GRM3: variants seen among roughly 807,000 people sequenced by gnomAD.
GRM3 encodes glutamate metabotropic receptor 3.
GRM3 carries 26 observed loss-of-function variants against 70.5 expected under a neutral mutation model. The ratio of observed to expected loss-of-function variants is 0.37; its 90% CI spans 0.27 to 0.51. The LOEUF is 0.51. Among genes scored for constraint, GRM3 ranks in the 20% least tolerant of loss-of-function variants. The pLI is 0.93. For synonymous variants in GRM3, 443 were observed against 434.9 expected (o/e 1.02, Z -0.23); for missense variants, 859 against 1,123.8 (o/e 0.76, Z 3.37).
intron 3 of GRM3, among the ~76,000 whole-genome samples, chr7:86,806,274 T>A (rs1797791051): frequency 6.6e-6 from 1 of 152,226 alleles, no homozygotes; most frequent in Non-Finnish European, 1.5e-5. Context: ...AGTAATGTGA[T>A]GGCTGGGTCA....
intron 1 of GRM3, among the ~76,000 whole-genome samples, chr7:86,691,387 A>G (rs974706869): frequency 1.3e-5 from 2 of 152,166 alleles, no homozygotes; most frequent in Non-Finnish European, 2.9e-5. Flanking sequence ...AATTTCCTAA[A>G]TGCTAAAACC....
chr7:86,813,482 C>T (rs1797954404), intron 3 of GRM3, among the ~76,000 whole-genome samples: 1 of 151,854 alleles, frequency 6.6e-6, no homozygotes, highest in African/African-American at 2.4e-5. Flanking sequence ...CAGAGAACAG[C>T]AGTTGAATTT....
At chr7:86,715,477 A>G (rs185866902) in intron 1 of GRM3, among the ~76,000 whole-genome samples, 1 of 152,116 alleles carries the variant, frequency 6.6e-6, no homozygotes, top group East Asian at 1.9e-4. Flanking sequence ...GTCTTGCATT[A>G]TAAGTAGATG....
In GRM3 at chr7:86,682,947, T is replaced by G. The variant is rs1427063056; in HGVS notation, c.-141+38075T>G. Among the ~76,000 whole-genome samples the G allele has an allele frequency of 3.3e-5, 5 of 152,298 alleles. No homozygotes were observed. In the East Asian group the frequency reaches 9.6e-4, roughly 29 times the overall value. ...AAAAAGAGGCTGTCCATAGTTACCA[T>G]GCTGAGGGGCTTAATTGAATAAGAA... On this transcript the variant is annotated intron_variant, in intron 1 of 5. Coordinates refer to ENST00000361669, the MANE Select transcript of GRM3 (RefSeq NM_000840.3).
At chr7:86,664,185 T>C (rs2115858417) in intron 1 of GRM3, among the ~76,000 whole-genome samples, 1 of 152,026 alleles carries the variant, frequency 6.6e-6, no homozygotes, top group Non-Finnish European at 1.5e-5. Flanking sequence ...ATGTGGAGAA[T>C]GATGGGGGTT....
chr7:86,658,886 C>T (rs1391947530), intron 1 of GRM3, among the ~76,000 whole-genome samples: 1 of 148,058 alleles, frequency 6.8e-6, no homozygotes, highest in Admixed American at 6.9e-5. Flanking sequence ...CTTATTTATA[C>T]ATTTAAATTG....
intron 1 of GRM3, among the ~76,000 whole-genome samples, chr7:86,678,951 G>A (rs866250301): frequency 6.6e-6 from 1 of 151,988 alleles, no homozygotes; most frequent in Non-Finnish European, 1.5e-5. Flanking sequence ...GATAGCAAGG[G>A]TTTTTGTGAT....
At chr7:86,854,932 T>A (rs1798819081) in intron 5 of GRM3, among the ~76,000 whole-genome samples, 1 of 152,178 alleles carries the variant, frequency 6.6e-6, no homozygotes, top group Admixed American at 6.6e-5. Flanking sequence ...CCAGGCTCCC[T>A]CTGGAACTTT....
chr7:86,655,925 G>A (rs1361987537), intron 1 of GRM3, among the ~76,000 whole-genome samples: 8 of 151,146 alleles, frequency 5.3e-5, no homozygotes, highest in Admixed American at 4.6e-4. Flanking sequence ...CAGTTTCCTC[G>A]ACACAAATTT....
At chr7:86,646,654 C>T (rs969763898) in intron 1 of GRM3, among the ~76,000 whole-genome samples, 2 of 152,064 alleles carry the variant, frequency 1.3e-5, no homozygotes, top group East Asian at 3.9e-4. Context: ...GAGTTAGGCC[C>T]TTACCAGTGA....
intron 1 of GRM3, among the ~76,000 whole-genome samples, chr7:86,694,436 C>T (rs1050975540): frequency 6.2e-5 from 9 of 144,930 alleles, no homozygotes; most frequent in Admixed American, 2.1e-4. Context: ...GGTGTGAACC[C>T]GGGAAGTGGG....
chr7:86,779,033 A>C (rs1168199311), intron 2 of GRM3, among the ~76,000 whole-genome samples: 1 of 152,136 alleles, frequency 6.6e-6, no homozygotes, highest in South Asian at 2.1e-4. Flanking sequence ...TGGGATCCTA[A>C]AAAGAAGGCT....
At chr7:86,850,264 T>C in intron 4 of GRM3, 106 bp from the exon 5 acceptor site, 1 of 705,888 alleles carries the variant, frequency 1.4e-6, no homozygotes, top group South Asian at 1.7e-5. Flanking sequence ...GACAGAGCTG[T>C]CAATTATTCT....
chr7:86,716,026 A>G (rs1795306048), intron 1 of GRM3, among the ~76,000 whole-genome samples: 1 of 151,988 alleles, frequency 6.6e-6, no homozygotes, highest in Non-Finnish European at 1.5e-5. Flanking sequence ...GGTACTTTTC[A>G]TCCTCAAAGC....
chr7:86,663,939 A>G (rs983086094), intron 1 of GRM3, among the ~76,000 whole-genome samples: 1 of 152,050 alleles, frequency 6.6e-6, no homozygotes, highest in African/African-American at 2.4e-5. Flanking sequence ...CTAAGTGAAG[A>G]GAAAGAAATC....
At chr7:86,851,663 C>A (rs1489816818) in intron 5 of GRM3, among the ~76,000 whole-genome samples, 3 of 152,106 alleles carry the variant, frequency 2.0e-5, no homozygotes, top group Non-Finnish European at 4.4e-5. Context: ...AACAGGGCAG[C>A]CCTTCCCCCA....
At chr7:86,689,632 T>C (rs967268076) in intron 1 of GRM3, among the ~76,000 whole-genome samples, 1 of 151,856 alleles carries the variant, frequency 6.6e-6, no homozygotes, top group Non-Finnish European at 1.5e-5. Flanking sequence ...AAAATACAAA[T>C]AGAATTGGAA....
intron 4 of GRM3, among the ~76,000 whole-genome samples, chr7:86,842,357 C>T (rs1326135178): frequency 1.3e-5 from 2 of 152,124 alleles, no homozygotes; most frequent in South Asian, 2.1e-4. Flanking sequence ...AAAGTAAAAA[C>T]GTAAGCCCAA....
At chr7:86,664,349 G>A (rs759130752) in intron 1 of GRM3, among the ~76,000 whole-genome samples, 2 of 151,760 alleles carry the variant, frequency 1.3e-5, no homozygotes, top group African/African-American at 2.4e-5. Flanking sequence ...GTGGTATATC[G>A]GTTAGGAATA....
Sources: allele counts gnomAD v4.1 joint callset (sites outside exome capture counted in the v4.1 genomes callset), GRCh38; gene constraint gnomAD v4.1.1; transcripts MANE v1.5; gene names NCBI Gene and HGNC (gene_info 2026-07-23, HGNC 2026-07-21).